Variants in RANBP2 observed in about 807,000 individuals in gnomAD.
RANBP2 encodes RAN binding protein 2.
In RANBP2, 57 loss-of-function variants were observed where a neutral mutation model predicts 303.6. That is an observed-to-expected ratio of 0.19 (90% CI 0.15 to 0.23). The LOEUF (loss-of-function observed/expected upper bound fraction) is 0.23. Ranked by LOEUF, RANBP2 falls within the 10% of genes least tolerant of loss-of-function variation. The pLI is 1.00. For missense variants in RANBP2, 3,138 were observed against 3,780.8 expected, an observed-to-expected ratio of 0.83 and a Z score of 4.46; for synonymous variants, 1,167 against 1,301.5, an observed-to-expected ratio of 0.90 and a Z score of 2.23.
the RANBP2 span, among the ~76,000 whole-genome samples, chr2:109,119,145 G>T: frequency 1.3e-5 from 2 of 152,226 alleles, no homozygotes; most frequent in East Asian, 3.8e-4. Context: ...AAGACACTTT[G>T]TCAGGCATGG....
At chr2:109,160,984 G>C in the RANBP2 span, among the ~76,000 whole-genome samples, 1 of 152,266 alleles carries the variant, frequency 6.6e-6, no homozygotes, top group South Asian at 2.1e-4. Flanking sequence ...GAGAGGTGGG[G>C]GATCCCTGGG....
chr2:109,705,563 C>T, the RANBP2 span, among the ~76,000 whole-genome samples: 2 of 152,298 alleles, frequency 1.3e-5, no homozygotes, highest in African/African-American at 4.8e-5. Flanking sequence ...TGGCTCAGTC[C>T]CTGTGTGCAT....
chr2:109,108,814 C>T, the RANBP2 span, among the ~76,000 whole-genome samples: 86 of 152,202 alleles, frequency 5.7e-4, no homozygotes, highest in Non-Finnish European at 1.0e-3. Context: ...CTCTCTCAGT[C>T]TTTGCCGCCT....
At chr2:109,608,908 T>A in the RANBP2 span, among the ~76,000 whole-genome samples, 1 of 152,354 alleles carries the variant, frequency 6.6e-6, no homozygotes, top group African/African-American at 2.4e-5. Context: ...ATGCTCAAAA[T>A]CTAAAGCAGA....
chr2:109,563,674 T>TTA, the RANBP2 span, among the ~76,000 whole-genome samples: 1 of 152,344 alleles, frequency 6.6e-6, no homozygotes, highest in South Asian at 2.1e-4. Context: ...TCTAAAATTC[T>TTA]TATAACTACA....
chr2:109,483,042 C>A, the RANBP2 span, among the ~76,000 whole-genome samples: 1 of 152,134 alleles, frequency 6.6e-6, no homozygotes, highest in Non-Finnish European at 1.5e-5. Flanking sequence ...CATTGTAGAT[C>A]TTCTATTCCT....
chr2:109,579,823 A>T, the RANBP2 span, among the ~76,000 whole-genome samples: 2 of 152,038 alleles, frequency 1.3e-5, no homozygotes, highest in South Asian at 4.1e-4. Context: ...GATTTAAAAT[A>T]AATAAATAAA....
chr2:109,611,666 C>G, the RANBP2 span, among the ~76,000 whole-genome samples: 14 of 152,002 alleles, frequency 9.2e-5, no homozygotes. Context: ...GTGGCTGAGG[C>G]AGGAGGATCG....
intron 4 of RANBP2, among the ~76,000 whole-genome samples, chr2:108,734,978 G>A (rs1695456978): frequency 6.6e-6 from 1 of 152,128 alleles, no homozygotes; most frequent in Admixed American, 6.5e-5. Flanking sequence ...CATCGCAAAT[G>A]AGAAGTGAGT....
chr2:109,064,217 C>G, the RANBP2 span, among the ~76,000 whole-genome samples: 1 of 152,020 alleles, frequency 6.6e-6, no homozygotes, highest in South Asian at 2.1e-4. Flanking sequence ...CGCCTGTAAT[C>G]CCAGCACTTT....
chr2:109,630,140 C>T, the RANBP2 span, among the ~76,000 whole-genome samples: 8,679 of 152,062 alleles, frequency 0.057, 693 homozygotes, highest in East Asian at 0.24. Context: ...TGTGTGTAAG[C>T]GTGTGTATAA....
chr2:109,414,411 T>C, the RANBP2 span, among the ~76,000 whole-genome samples: 2 of 152,154 alleles, frequency 1.3e-5, no homozygotes, highest in African/African-American at 2.4e-5. Flanking sequence ...TCAGGTTTCA[T>C]CTGGTTTTTC....
the RANBP2 span, among the ~76,000 whole-genome samples, chr2:108,815,515 G>A: frequency 4.6e-5 from 5 of 108,558 alleles, no homozygotes; most frequent in East Asian, 1.7e-3. Context: ...TGCCCAGATT[G>A]GTGTGCAGTG....
At chr2:109,477,778 C>T in the RANBP2 span, among the ~76,000 whole-genome samples, 1 of 152,164 alleles carries the variant, frequency 6.6e-6, no homozygotes, top group Non-Finnish European at 1.5e-5. Context: ...TCACCGTGTC[C>T]TCACGTGGTC....
the RANBP2 span, among the ~76,000 whole-genome samples, chr2:108,796,237 G>A: frequency 1.3e-5 from 2 of 150,940 alleles, no homozygotes; most frequent in African/African-American, 4.9e-5. Flanking sequence ...TGTATTTTTA[G>A]TAGAGATGGG....
the RANBP2 span, among the ~76,000 whole-genome samples, chr2:108,819,003 A>C: frequency 2.6e-5 from 4 of 152,256 alleles, no homozygotes; most frequent in Admixed American, 2.6e-4. Context: ...AGATACAAAA[A>C]TTCAGTACAA....
chr2:109,597,575 TAC>T, the RANBP2 span, among the ~76,000 whole-genome samples: 1,441 of 152,338 alleles, frequency 9.5e-3, 62 homozygotes, highest in East Asian at 0.12. Context: ...CACCTTTGAC[TAC>T]ACAGTCAATT....
the RANBP2 span, among the ~76,000 whole-genome samples, chr2:108,963,457 T>TCA: frequency 2.6e-5 from 4 of 152,284 alleles, no homozygotes; most frequent in East Asian, 7.7e-4. Flanking sequence ...GAAAGTGGAT[T>TCA]CACGTGCACT....
the RANBP2 span, among the ~76,000 whole-genome samples, chr2:109,400,401 T>G: frequency 6.6e-6 from 1 of 151,910 alleles, no homozygotes; most frequent in Non-Finnish European, 1.5e-5. Context: ...TGCACGCACA[T>G]ATACACATAT....
Sources: gnomAD v4.1 joint callset for allele counts (sites outside exome capture counted in the v4.1 genomes callset) on GRCh38, gnomAD v4.1.1 for gene constraint, MANE v1.5 for transcripts, NCBI Gene and HGNC (gene_info 2026-07-23, HGNC 2026-07-21) for gene names.